The following IRAG2 variants were observed in gnomAD, a reference collection of about 807,000 sequenced individuals.
IRAG2 encodes the protein lymphoid restricted membrane protein.
In IRAG2, 45 loss-of-function variants were observed where a neutral mutation model predicts 69.9. The ratio of observed to expected loss-of-function variants is 0.64; its 90% CI spans 0.51 to 0.83. IRAG2 has a LOEUF of 0.83. Among genes scored for constraint, IRAG2 ranks in the 40% least tolerant of loss-of-function variants. The probability of loss-of-function intolerance (pLI) is 0.00; values close to 1 mark genes in which losing one functional copy is unlikely to be tolerated. For synonymous variants in IRAG2, 193 were observed against 202.4 expected, an observed-to-expected ratio of 0.95 and a Z score of 0.40; for missense variants, 520 against 587.0, an observed-to-expected ratio of 0.89 and a Z score of 1.18.
In IRAG2 at chr12:25,054,124, ATAT is replaced by A. The variant is rs1283038760; in HGVS notation, c.-447+1173_-447+1175del. ...ATTAAAATAGCAGTGGTTATTCAAC[ATAT>A]TATTGTCATAATTTTTAAACCTTTA... On this transcript the variant is annotated intron_variant, in intron 1 of 21. Transcript: ENST00000556887. Among the ~76,000 whole-genome samples the A allele has an allele frequency of 5.6e-4, 86 of 152,334 alleles. 2 individuals carry two copies. Among genetic ancestry groups the A allele is most frequent in the African/African-American group, 2.0e-3 (83 of 41,576 alleles).
At chr12:25,062,135 T>C (rs1244760834) in intron 2 of IRAG2, among the ~76,000 whole-genome samples, 1 of 152,212 alleles carries the variant, frequency 6.6e-6, no homozygotes, top group Admixed American at 6.5e-5. Flanking sequence ...TTCCTTCCCT[T>C]GTGATACTTG....
chr12:25,004,457 T>C (rs755457541), exon 1 of IRAG2: 41 of 1,232,104 alleles, frequency 3.3e-5, no homozygotes, highest in Non-Finnish European at 4.0e-5. Flanking sequence ...CAGCAGATTA[T>C]CAAATACCAA....
chr12:25,107,784 G>A lies in IRAG2; in HGVS notation c.1257-33G>A, dbSNP rs758024054. ...GGAATGTTTCTAATGACAAATTACCGATTACCAAATTCTATTTGTGTTTTC... is the reference window on the plus strand; with the variant it reads ...GGAATGTTTCTAATGACAAATTACCAATTACCAAATTCTATTTGTGTTTTC... On this transcript the variant is annotated intron_variant, in intron 21 of 21. Transcript: ENST00000556887. 3.8e-5 allele frequency: 60 copies of A among 1,594,580 alleles called. No homozygotes were observed. The Admixed American group carries it at 5.9e-4, about 16-fold the overall frequency.
intron 1 of IRAG2, among the ~76,000 whole-genome samples, chr12:25,058,274 T>G (rs750521040): frequency 6.6e-6 from 1 of 152,218 alleles, no homozygotes; most frequent in Non-Finnish European, 1.5e-5. Flanking sequence ...ATCTTTGTCA[T>G]TTTAGCCACT....
intron 5 of IRAG2, among the ~76,000 whole-genome samples, chr12:25,016,685 T>C (rs11047757): frequency 0.076 from 11,456 of 151,688 alleles, 567 homozygotes; most frequent in African/African-American, 0.15. Context: ...ATTGCTTGAA[T>C]TTGGGAGGCG....
chr12:25,020,120 TCCTTTGAAG>T (rs1944566281), intron 6 of IRAG2, among the ~76,000 whole-genome samples: 2 of 152,216 alleles, frequency 1.3e-5, no homozygotes, highest in Non-Finnish European at 2.9e-5. Context: ...AAATTGTATC[TCCTTTGAAG>T]GCTTTGTTCC....
At chr12:25,052,201 GGAC>G (rs1402846748), upstream of IRAG2, 39 of 341,032 alleles carry the variant, frequency 1.1e-4, no homozygotes, top group Middle Eastern at 3.5e-3. Context: ...CTTGCGGTTT[GGAC>G]TTTTTTTTTT....
chr12:25,076,116 G>C (rs1453594065), intron 6 of IRAG2, among the ~76,000 whole-genome samples: 3 of 151,838 alleles, frequency 2.0e-5, no homozygotes, highest in African/African-American at 7.3e-5. Flanking sequence ...AGTCTCACAA[G>C]AAGAAAAAAA....
At chr12:25,047,439 T>C (rs1944803669), upstream of IRAG2, among the ~76,000 whole-genome samples, 2 of 51,022 alleles carry the variant, frequency 3.9e-5, no homozygotes, top group South Asian at 2.2e-3. Context: ...TAATTTTTTG[T>C]TGTTTTTTTG....
At chr12:25,011,666 T>A in intron 3 of IRAG2, 1 of 671,868 alleles carries the variant, frequency 1.5e-6, no homozygotes, top group Non-Finnish European at 2.1e-6. Context: ...TGCTTTAGCA[T>A]GCATTAGAAT....
intron 6 of IRAG2, among the ~76,000 whole-genome samples, chr12:25,018,193 C>CTTTTTTTTTTT (rs56659655): frequency 9.5e-6 from 1 of 105,548 alleles, no homozygotes. Context: ...TTTCTTTCTT[C>CTTTTTTTTTTT]TTTTTTTTTT....
chr12:25,076,695 A>C, intron 6 of IRAG2: 1 of 738,268 alleles, frequency 1.4e-6, no homozygotes, highest in Non-Finnish European at 1.7e-6. Context: ...TTATAGTGCA[A>C]TAATAAATGT....
At chr12:25,056,562 G>C (rs890595378) in intron 1 of IRAG2, among the ~76,000 whole-genome samples, 2 of 152,186 alleles carry the variant, frequency 1.3e-5, no homozygotes, top group African/African-American at 4.8e-5. Flanking sequence ...GTTAAATGCA[G>C]TTGTTGTGAA....
chr12:25,076,314 C>A, intron 6 of IRAG2: 1 of 722,218 alleles, frequency 1.4e-6, no homozygotes, highest in Non-Finnish European at 1.7e-6. Flanking sequence ...TCCAAAATCA[C>A]ATAATTATTT....
intron 10 of IRAG2, among the ~76,000 whole-genome samples, chr12:25,084,896 G>A (rs1055293788): frequency 8.5e-5 from 13 of 152,176 alleles, no homozygotes; most frequent in African/African-American, 2.9e-4. Flanking sequence ...CTAATGAAAC[G>A]GGAGAGTTCC....
At chr12:25,101,951 A>G (rs1461901527) in intron 16 of IRAG2, 2 of 661,058 alleles carry the variant, frequency 3.0e-6, no homozygotes, top group Non-Finnish European at 5.6e-6. Context: ...ACACACATGT[A>G]GTGCCTACCC....
Position 25,087,180 on chromosome 12 carries a change from T to TTTG in IRAG2, c.316-916_316-914dup, listed in dbSNP as rs1555141787. Among the ~76,000 whole-genome samples the TTTG allele has an allele frequency of 2.5e-4, 31 of 125,226 alleles. 1 individual carries two copies. Among genetic ancestry groups the TTTG allele is most frequent in the African/African-American group, 6.2e-4 (20 of 32,052 alleles). The allele number at this position is 125,226 out of a possible 152,430, so 82.2% of individuals were successfully genotyped here. ...TTTTTTTTTTTTTTTTTTTTTTTTT[T>TTTG]TTGTTGAGACAGAGCCTTGCACTGC... is the stretch of plus-strand genomic sequence containing the variant. On this transcript the variant is annotated intron_variant, in intron 10 of 21. Transcript: ENST00000556887.
At chr12:25,010,605 T>G (rs1944466716) in intron 2 of IRAG2, among the ~76,000 whole-genome samples, 1 of 152,336 alleles carries the variant, frequency 6.6e-6, no homozygotes, top group Admixed American at 6.5e-5. Flanking sequence ...TTGAAGTTAT[T>G]CAGCCTCCTT....
chr12:25,004,802 G>C, exon 1 of IRAG2: 2 of 1,232,080 alleles, frequency 1.6e-6, no homozygotes, highest in Non-Finnish European at 2.0e-6. Flanking sequence ...AACTATTGTA[G>C]TGAAAATAAT....
Sources: gnomAD v4.1 joint callset for allele counts (sites outside exome capture counted in the v4.1 genomes callset) on GRCh38, gnomAD v4.1.1 for gene constraint, MANE v1.5 for transcripts, NCBI Gene and HGNC (gene_info 2026-07-23, HGNC 2026-07-21) for gene names.